The following PPARGC1A variants were observed in gnomAD, a reference collection of about 807,000 sequenced individuals.
The protein encoded by PPARGC1A is peroxisome proliferator-activated receptor gamma coactivator 1-alpha.
PPARGC1A carries 25 observed loss-of-function variants against 88.7 expected under a neutral mutation model. The observed-to-expected ratio is 0.28, with a 90% confidence interval of 0.21 to 0.39. The LOEUF is 0.39. PPARGC1A is among the 10% of genes least tolerant of loss of function. PPARGC1A has a pLI of 1.00. For synonymous variants in PPARGC1A, 363 were observed against 355.6 expected (o/e 1.02, Z -0.24); for missense variants, 880 against 968.7 (o/e 0.91, Z 1.22).
the PPARGC1A span, among the ~76,000 whole-genome samples, chr4:24,422,629 A>G: frequency 2.1e-5 from 1 of 47,360 alleles, no homozygotes; most frequent in Non-Finnish European, 3.8e-5. Context: ...TTTAAAAATG[A>G]AAAAAAAAAA....
At chr4:23,911,413 T>C in the PPARGC1A span, among the ~76,000 whole-genome samples, 2 of 152,194 alleles carry the variant, frequency 1.3e-5, no homozygotes, top group South Asian at 4.1e-4. Context: ...ACACAAATAC[T>C]TCTAATATGC....
At chr4:24,088,367 AAAGAAAGAAGAAGGAAGAAGG>A in the PPARGC1A span, among the ~76,000 whole-genome samples, 1 of 152,116 alleles carries the variant, frequency 6.6e-6, no homozygotes, top group African/African-American at 2.4e-5. Context: ...ATCTAAAAAA[AAAGAAAGAAGAAGGAAGAAGG>A]AAGAAAGAAG....
the PPARGC1A span, among the ~76,000 whole-genome samples, chr4:23,990,556 C>T: frequency 5.3e-5 from 8 of 152,174 alleles, no homozygotes; most frequent in East Asian, 1.9e-4. Context: ...ATTTTATCAC[C>T]GTAAGAACTC....
the PPARGC1A span, among the ~76,000 whole-genome samples, chr4:24,287,165 C>G: frequency 3.3e-5 from 5 of 151,616 alleles, no homozygotes; most frequent in African/African-American, 1.2e-4. Context: ...TGAGCTCTAC[C>G]TACTAGATGC....
At chr4:23,832,679 G>C (rs1298607916) in intron 2 of PPARGC1A, among the ~76,000 whole-genome samples, 1 of 148,478 alleles carries the variant, frequency 6.7e-6, no homozygotes, top group African/African-American at 2.5e-5. Flanking sequence ...GCGCGATCTC[G>C]GCTCACTGCA....
chr4:24,431,474 G>A, the PPARGC1A span, among the ~76,000 whole-genome samples: 2 of 152,162 alleles, frequency 1.3e-5, no homozygotes, highest in Admixed American at 6.5e-5. Flanking sequence ...GATGAAATTA[G>A]CTGAAACATC....
chr4:24,352,134 G>A, the PPARGC1A span, among the ~76,000 whole-genome samples: 1 of 152,164 alleles, frequency 6.6e-6, no homozygotes, highest in Non-Finnish European at 1.5e-5. Flanking sequence ...CCACCCGGGA[G>A]TGGGAGGCGA....
the PPARGC1A span, among the ~76,000 whole-genome samples, chr4:24,089,677 A>AT: frequency 2.4e-4 from 36 of 151,540 alleles, no homozygotes; most frequent in African/African-American, 6.3e-4. Context: ...CGCCCGGCTA[A>AT]TTTTTTTTGT....
At chr4:24,455,778 C>T in the PPARGC1A span, among the ~76,000 whole-genome samples, 1 of 152,228 alleles carries the variant, frequency 6.6e-6, no homozygotes, top group Non-Finnish European at 1.5e-5. Context: ...GCCCTTCTAC[C>T]TTCTGCCATG....
intron 5 of PPARGC1A, 31 bp from the exon 6 acceptor site, chr4:23,824,539 A>C: frequency 6.5e-7 from 1 of 1,530,472 alleles, no homozygotes; most frequent in South Asian, 1.2e-5. Context: ...CTAATTATGT[A>C]ATATTGAGTG....
At chr4:23,812,946 T>C (rs1030138750) in intron 9 of PPARGC1A, 75 bp downstream of exon 9, 90 of 1,612,276 alleles carry the variant, frequency 5.6e-5, no homozygotes, top group African/African-American at 9.4e-5. Flanking sequence ...GGGAGGGGTA[T>C]AGGGTTTTGG....
At chr4:24,034,379 T>G in the PPARGC1A span, among the ~76,000 whole-genome samples, 2 of 152,164 alleles carry the variant, frequency 1.3e-5, no homozygotes, top group South Asian at 4.1e-4. Context: ...AACAAACTAT[T>G]AAAACATATG....
the PPARGC1A span, among the ~76,000 whole-genome samples, chr4:24,023,385 A>G: frequency 1.3e-5 from 2 of 151,908 alleles, no homozygotes; most frequent in Admixed American, 6.6e-5. Context: ...ACAGGTTTGG[A>G]AAAAAAACAG....
At chr4:24,378,905 C>T in the PPARGC1A span, among the ~76,000 whole-genome samples, 1 of 152,086 alleles carries the variant, frequency 6.6e-6, no homozygotes, top group Non-Finnish European at 1.5e-5. Flanking sequence ...ATCAATACTG[C>T]TTTTACAAAA....
chr4:24,235,524 G>A, the PPARGC1A span, among the ~76,000 whole-genome samples: 2 of 152,100 alleles, frequency 1.3e-5, no homozygotes, highest in African/African-American at 4.8e-5. Context: ...TAGCACTGAT[G>A]TTTCTATTTC....
At chr4:24,133,589 A>C in the PPARGC1A span, among the ~76,000 whole-genome samples, 1 of 152,166 alleles carries the variant, frequency 6.6e-6, no homozygotes, top group Non-Finnish European at 1.5e-5. Flanking sequence ...CAGAAAATAC[A>C]ACCATTTGGG....
chr4:24,414,194 T>G, the PPARGC1A span, among the ~76,000 whole-genome samples: 1 of 152,196 alleles, frequency 6.6e-6, no homozygotes, highest in Non-Finnish European at 1.5e-5. Context: ...ATATTATTTA[T>G]AAACATAGCT....
the PPARGC1A span, among the ~76,000 whole-genome samples, chr4:24,283,701 C>T: frequency 2.6e-5 from 4 of 152,130 alleles, no homozygotes; most frequent in South Asian, 2.1e-4. Context: ...AAGCAGAGGC[C>T]CTGGGCCCAT....
chr4:23,801,966 C>G, intron 11 of PPARGC1A, 85 bp from the exon 12 acceptor site: 1 of 1,501,756 alleles, frequency 6.7e-7, no homozygotes, highest in Non-Finnish European at 9.1e-7. Context: ...TGAGACTTCT[C>G]CAGTGCCAAC....
Sources: allele counts gnomAD v4.1 joint callset (sites outside exome capture counted in the v4.1 genomes callset), GRCh38; gene constraint gnomAD v4.1.1; transcripts MANE v1.5; gene names NCBI Gene and HGNC (gene_info 2026-07-23, HGNC 2026-07-21).